CELSR3: variants seen among roughly 807,000 people sequenced by gnomAD.
The protein encoded by CELSR3 is EGF-like protein 1.
A neutral mutation model predicts 270.0 loss-of-function variants in CELSR3; 73 were observed. That is an observed-to-expected ratio of 0.27 (90% confidence interval 0.22 to 0.33). The LOEUF is 0.33. CELSR3 is among the 10% of genes least tolerant of loss of function. CELSR3 has a pLI of 1.00. For missense variants in CELSR3, 3,614 were observed against 4,533.8 expected (o/e 0.80, Z 5.83); for synonymous variants, 1,780 against 1,905.4 (o/e 0.93, Z 1.71).
rs577817305 is a variant in CELSR3, at chr3:48,650,086, T to G, written c.6472+394A>C. ...AGGGGTCAGCAGGGTCCTCAGGCAA[T>G]GGGGAGGGGTCTCTGAGGATCTCAG... is the stretch of plus-strand genomic sequence containing the variant. On this transcript the variant is annotated intron_variant, in intron 16 of 34. Transcript: ENST00000164024. The surrounding 1 kb of genome is among the most constrained non-coding windows in gnomAD (Gnocchi z 5.1). Among the ~76,000 whole-genome samples the G allele has an allele frequency of 6.6e-6, 1 of 151,482 alleles. No homozygotes were observed. The highest frequency in any genetic ancestry group is 2.1e-4 in the South Asian group (1 of 4,780).
chr3:48,653,975 G>A lies in CELSR3; in HGVS notation c.5181C>T (p.Asp1727=), dbSNP rs1362344071. The stretch of plus-strand genomic sequence containing the variant: ...AGCCACTGTTCTTGCAGGGGCCTGA[G>A]TCACAAAAGTGTAGCTTGGCTTGGC... The part of the protein sequence containing the change: ...AGCQAKLHFC[D]SGPCKNSGFC... Residue 1727 remains aspartate (D), a synonymous_variant, in exon 8 of 35, where the codon GAC becomes GAT. Coordinates refer to ENST00000164024, the MANE Select transcript of CELSR3 (RefSeq NM_001407.3). This position sits in a 1 kb window ranked among gnomAD's most constrained non-coding sequence, Gnocchi z 6.5. The A allele has an allele frequency of 6.2e-7, 1 of 1,613,286 alleles. No homozygotes were observed. The highest frequency in any genetic ancestry group is 1.3e-5 in the African/African-American group (1 of 74,946).
In CELSR3 at chr3:48,661,532, A is replaced by C; in HGVS notation, c.1103T>G (p.Met368Arg). The C allele has an allele frequency of 6.2e-7, 1 of 1,606,568 alleles. No homozygotes were observed. The highest frequency in any genetic ancestry group is 8.5e-7 in the Non-Finnish European group (1 of 1,177,634). ...GRLVYSLAAL[M>R]NSRSLELFSI... ...GAACAGCTCCAGCGAGCGGCTGTTC[A>C]TGAGTGCCGCCAGCGAGTAGACTAG... Residue 368 changes from methionine (M) to arginine (R), a missense_variant, in exon 1 of 35, where the codon ATG becomes AGG. By Grantham distance (91) the Met-to-Arg change is moderately conservative (BLOSUM62 -1). Around this residue, in one of 7 missense-constraint regions of CELSR3, gnomAD observed 354 missense variants for 500.9 expected, o/e 0.71. Transcript: ENST00000164024.
chr3:48,660,221 C>A lies in CELSR3; in HGVS notation c.2414G>T (p.Ser805Ile), dbSNP rs3821875. ...CACCAGACCCACACCCCCCTGGGTG[C>A]TGATGGCAAAGCGATTCCGGGTGTT... ...GGNTRNRFAI[S>I]TQGGVGLVTL... Residue 805 changes from serine (S) to isoleucine (I), a missense_variant, in exon 1 of 35, where the codon AGC (serine) becomes ATC (isoleucine). By Grantham distance (142) the Ser-to-Ile change is moderately radical (BLOSUM62 -2). This residue lies in a region of CELSR3 where 215 missense variants were observed against 241.2 expected (regional missense o/e 0.89). Transcript: ENST00000164024. This position sits in a 1 kb window ranked among gnomAD's most constrained non-coding sequence, Gnocchi z 5.5. The A allele has an allele frequency of 6.2e-7, 1 of 1,613,950 alleles. No homozygotes were observed. Among genetic ancestry groups the A allele is most frequent in the South Asian group, 1.1e-5 (1 of 91,080 alleles).
intron 16 of CELSR3, 21 bp from the exon 17 acceptor site, chr3:48,649,236 G>T: frequency 6.3e-7 from 1 of 1,594,176 alleles, no homozygotes; most frequent in Non-Finnish European, 8.6e-7. Flanking sequence ...GCAACCCCTG[G>T]TCAGGCCTGG....
At position 48,662,449 on chromosome 3, in the gene CELSR3, A is replaced by G. The variant is rs1012514645; in HGVS notation, c.186T>C (p.Ala62=). The change falls in exon 1 of 35, where the codon GCT becomes GCC. Residue 62 remains alanine (A), a synonymous_variant. Coordinates refer to ENST00000164024, the MANE Select transcript of CELSR3 (RefSeq NM_001407.3). The surrounding 1 kb of genome is among the most constrained non-coding windows in gnomAD (Gnocchi z 7.1). ...PRAHIGGGAL[A]LCPESSGVRE... Reference sequence around the variant, plus strand: ...GGACCCCGGAAGACTCCGGACAAAGAGCTAAGGCTCCGCCACCGATATGCG... The same window carrying G: ...GGACCCCGGAAGACTCCGGACAAAGGGCTAAGGCTCCGCCACCGATATGCG... 2 of 1,612,564 alleles carry G rather than the reference A, an allele frequency of 1.2e-6. No individual in the cohort carries two copies. Among genetic ancestry groups the G allele is most frequent in the Middle Eastern group, 1.6e-4 (1 of 6,080 alleles).
At position 48,656,789 on chromosome 3, in the gene CELSR3, G is replaced by C. The variant is rs768717471; in HGVS notation, c.4308C>G (p.Leu1436=). 8.8e-6 allele frequency: 14 copies of C among 1,598,750 alleles called. No homozygotes were observed. In the East Asian group the frequency reaches 2.7e-4, roughly 31 times the overall value. The change falls in exon 2 of 35, where the codon CTC becomes CTG. Residue 1436 remains leucine, a synonymous_variant. Transcript: ENST00000164024. The stretch of plus-strand genomic sequence containing the variant: ...GACATGGGTTGGAGTAGCAGAGGTC[G>C]AGCTCGGTCTCGCAAAAGTCTCCCG... ...GFTGDFCETE[L]DLCYSNPCRN...
rs1195831785 is a variant in CELSR3 at position 48,654,400 on chromosome 3, C to T, written c.5041G>A (p.Glu1681Lys). 5 of 1,608,338 alleles carry T rather than the reference C, an allele frequency of 3.1e-6. No homozygotes were observed. The highest frequency in any genetic ancestry group is 2.2e-5 in the East Asian group (1 of 44,702). The change falls in exon 7 of 35, where the codon GAG becomes AAG. Residue 1681 changes from glutamate to lysine, a missense_variant. Physicochemically the swap from Glu to Lys is moderately conservative, Grantham distance 56. Coordinates refer to ENST00000164024, the MANE Select transcript of CELSR3 (RefSeq NM_001407.3). This position sits in a 1 kb window ranked among gnomAD's most constrained non-coding sequence, Gnocchi z 5.4. Reference protein sequence around the residue: ...LLLGGVPNLPENFPVSHKDFI... With the variant: ...LLLGGVPNLPKNFPVSHKDFI... ...TCCTTATGGGATACGGGGAAGTTCT[C>T]GGGGAGGTTGGGGACACCTCCCAGA... is the stretch of plus-strand genomic sequence containing the variant.
rs747454816 is a variant in CELSR3, at chr3:48,659,110, G to A, written c.3525C>T (p.Leu1175=). 1.2e-6 allele frequency: 2 copies of A among 1,614,206 alleles called. No individual in the cohort carries two copies. Among genetic ancestry groups the A allele is most frequent in the East Asian group, 2.2e-5 (1 of 44,888 alleles). ...NSPVLNNFQI[L]FNNYVSNRSD... is the part of the protein sequence containing the mutation. Reference sequence around the variant, plus strand: ...AACGGTTGGATACATAGTTGTTGAAGAGGATCTGGAAGTTGTTGAGCACAG... The same window carrying A: ...AACGGTTGGATACATAGTTGTTGAAAAGGATCTGGAAGTTGTTGAGCACAG... The change falls in exon 1 of 35, where the codon CTC becomes CTT. Residue 1175 remains leucine, a synonymous_variant. Coordinates refer to ENST00000164024, the MANE Select transcript of CELSR3 (RefSeq NM_001407.3). The surrounding 1 kb of genome is among the most constrained non-coding windows in gnomAD (Gnocchi z 8.1).
chr3:48,640,137 G>A lies in CELSR3; in HGVS notation c.9448C>T (p.Arg3150Ter). ...GGAGGCAGCGTGCTCAACCACTCTC[G>A]AGGTGCCCCTAAGTCGAGCGCATCC... is the stretch of plus-strand genomic sequence containing the variant. The part of the protein sequence containing the change: ...SRDALDLGAP[R>*]EWLSTLPPPR... The change falls in exon 34 of 35, where the codon CGA becomes TGA. Residue 3150 changes from arginine to a stop codon, truncating the protein, a stop_gained. Transcript: ENST00000164024. LOFTEE classifies it high-confidence loss of function. This position sits in a 1 kb window ranked among gnomAD's most constrained non-coding sequence, Gnocchi z 7.5. 4 of 1,612,332 alleles carry A rather than the reference G, an allele frequency of 2.5e-6. No homozygotes were observed. Among genetic ancestry groups the A allele is most frequent in the Non-Finnish European group, 3.4e-6 (4 of 1,179,906 alleles).
At position 48,662,593 on chromosome 3, in the gene CELSR3, C is replaced by G. The variant is rs759176142; in HGVS notation, c.42G>C (p.Arg14=). The stretch of plus-strand genomic sequence containing the variant: ...GAAGGAGCAGGAGTATGGGGGTCGA[C>G]CGTCCCCCGAGGCCCCGCCACGGCG... ...RRPPWRGLGG[R]STPILLLLLL... is the part of the protein sequence containing the mutation. The change falls in exon 1 of 35, where the codon CGG becomes CGC. Residue 14 remains arginine, a synonymous_variant. Transcript: ENST00000164024. The surrounding 1 kb of genome is among the most constrained non-coding windows in gnomAD (Gnocchi z 7.1). 4.7e-6 allele frequency: 7 copies of G among 1,485,514 alleles called. No individual in the cohort carries two copies. In the Admixed American group the frequency reaches 1.4e-4, roughly 31 times the overall value. 92.0% of individuals were successfully genotyped at this position (1,485,514 alleles called of 1,614,324 possible). A position where few individuals can be genotyped will look rare whatever the true frequency, so the allele number is the denominator to read the frequency against.
rs2047055062 is a variant in CELSR3 at position 48,644,030 on chromosome 3, C to G, written c.8165+186G>C. The G allele has an allele frequency of 1.7e-6, 1 of 603,386 alleles. No homozygotes were observed. The highest frequency in any genetic ancestry group is 3.0e-6 in the Non-Finnish European group (1 of 337,870). 37.4% of individuals were successfully genotyped at this position (603,386 alleles called of 1,614,324 possible). On this transcript the variant is annotated intron_variant, in intron 27 of 34. Transcript: ENST00000164024. This position sits in a 1 kb window ranked among gnomAD's most constrained non-coding sequence, Gnocchi z 4.8. ...ACAAGGAGAGACAGCAGGGCAGAAG[C>G]ACATGTGGGGCTACAGTATAGCGAG... is the stretch of plus-strand genomic sequence containing the variant.
Position 48,662,032 on chromosome 3 carries a change from G to T in CELSR3, c.603C>A (p.Thr201=). The change falls in exon 1 of 35, where the codon ACC becomes ACA. Residue 201 remains threonine, a synonymous_variant. Coordinates refer to ENST00000164024, the MANE Select transcript of CELSR3 (RefSeq NM_001407.3). This position sits in a 1 kb window ranked among gnomAD's most constrained non-coding sequence, Gnocchi z 7.1. ...AGTGSRKRVG[T]ARCCGELWAT... ...CCCATAATTCCCCACAGCAGCGCGCGGTGCCCACTCTTTTGCGGGAGCCTG... is the reference window on the plus strand; with the variant it reads ...CCCATAATTCCCCACAGCAGCGCGCTGTGCCCACTCTTTTGCGGGAGCCTG... The T allele has an allele frequency of 3.1e-6, 5 of 1,614,142 alleles. No individual in the cohort carries two copies. Among genetic ancestry groups the T allele is most frequent in the Non-Finnish European group, 3.4e-6 (4 of 1,180,050 alleles).
At chr3:48,656,077 T>C in intron 3 of CELSR3, 63 bp downstream of exon 3, 1 of 1,467,764 alleles carries the variant, frequency 6.8e-7, no homozygotes, top group Non-Finnish European at 9.2e-7. Context: ...CAGTCAGGAA[T>C]CTGAGTCAGG....
At position 48,642,196 on chromosome 3, in the gene CELSR3, C is replaced by G; in HGVS notation, c.8665+162G>C. 2 of 887,084 alleles carry G rather than the reference C, an allele frequency of 2.3e-6. No homozygotes were observed. Among genetic ancestry groups the G allele is most frequent in the Non-Finnish European group, 3.4e-6 (2 of 596,846 alleles). The allele number at this position is 887,084 out of a possible 1,614,324, so 55.0% of individuals were successfully genotyped here. A position where few individuals can be genotyped will look rare whatever the true frequency, so the allele number is the denominator to read the frequency against. On this transcript the variant is annotated intron_variant, in intron 31 of 34. Coordinates refer to ENST00000164024, the MANE Select transcript of CELSR3 (RefSeq NM_001407.3). This position sits in a 1 kb window ranked among gnomAD's most constrained non-coding sequence, Gnocchi z 6.1. ...GAGGGAAGGACGAATCAGGAGTGGA[C>G]TGGGAGAACCAGGGCTGGAGAGGTA...
In CELSR3 at chr3:48,661,449, T is replaced by C; in HGVS notation, c.1186A>G (p.Met396Val). The stretch of plus-strand genomic sequence containing the variant: ...GTCACACGCAGGTAGTGACGCTCCA[T>C]GCTCTCGCGGTCCAGAGCTGCCGCC... ...RTAAALDRES[M>V]ERHYLRVTAQ... Residue 396 changes from methionine to valine, a missense_variant, in exon 1 of 35, where the codon ATG (methionine) becomes GTG (valine). Around this residue, in one of 7 missense-constraint regions of CELSR3, gnomAD observed 354 missense variants for 500.9 expected, o/e 0.71. Coordinates refer to ENST00000164024, the MANE Select transcript of CELSR3 (RefSeq NM_001407.3). 6.2e-7 allele frequency: 1 copy of C among 1,610,546 alleles called. No individual in the cohort carries two copies.
chr3:48,643,347 C>T lies in CELSR3; in HGVS notation c.8289+207G>A. The T allele has an allele frequency of 4.2e-6, 3 of 713,752 alleles. No homozygotes were observed. The South Asian group carries it at 5.8e-5, about 14-fold the overall frequency. 44.2% of individuals were successfully genotyped at this position (713,752 alleles called of 1,614,324 possible). ...TGAAGGTCGATCCAAGATCAGCACT[C>T]AGTCTGGGATCAGTGCCTAAGTTAG... On this transcript the variant is annotated intron_variant, in intron 28 of 34. Transcript: ENST00000164024.
chr3:48,638,254 A>G (rs771533723), intron 34 of CELSR3, 22 bp from the exon 35 acceptor site: 1 of 1,606,624 alleles, frequency 6.2e-7, no homozygotes, highest in South Asian at 1.1e-5. Flanking sequence ...TGAGGAAATC[A>G]GAGGTTGATG....
chr3:48,645,313 A>C lies in CELSR3; in HGVS notation c.7798-104T>G, dbSNP rs181239341. 6.2e-4 allele frequency: 946 copies of C among 1,535,720 alleles called. 9 individuals are homozygous for C. The African/African-American group carries it at 0.011, about 18-fold the overall frequency. On this transcript the variant is annotated intron_variant, in intron 24 of 34. Coordinates refer to ENST00000164024, the MANE Select transcript of CELSR3 (RefSeq NM_001407.3). The surrounding 1 kb of genome is among the most constrained non-coding windows in gnomAD (Gnocchi z 5.4). ...TCTCACCCCTAAACCACAATATCTT[A>C]CCCCAGCATCCTGCTGAAAACCCTG... is the stretch of plus-strand genomic sequence containing the variant.
At position 48,651,187 on chromosome 3, in the gene CELSR3, G is replaced by C; in HGVS notation, c.6187-112C>G. On this transcript the variant is annotated intron_variant, in intron 14 of 34. Transcript: ENST00000164024. The surrounding 1 kb of genome is among the most constrained non-coding windows in gnomAD (Gnocchi z 7.4). ...TGCTCATGGGCCAGAGGACACCTGG[G>C]TCATGCGTGAAGCCAAGGGAGGGGT... 1 of 1,432,004 alleles carries C rather than the reference G, an allele frequency of 7.0e-7. No homozygotes were observed. Among genetic ancestry groups the C allele is most frequent in the Non-Finnish European group, 9.6e-7 (1 of 1,044,120 alleles). 88.7% of individuals were successfully genotyped at this position (1,432,004 alleles called of 1,614,324 possible).
Sources: gnomAD v4.1 joint callset for allele counts (sites outside exome capture counted in the v4.1 genomes callset) on GRCh38, gnomAD v4.1.1 for gene constraint, gnomAD v4.1.1 regional missense constraint, Gnocchi (gnomAD v3.1) non-coding constraint, MANE v1.5 for transcripts, NCBI Gene and HGNC (gene_info 2026-07-23, HGNC 2026-07-21) for gene names.